Variants in PLCXD3 observed in about 807,000 individuals in gnomAD.
PLCXD3 encodes the protein PI-PLC X domain-containing protein 3.
Under a neutral mutation model 25.5 loss-of-function variants are expected in PLCXD3, and 19 were observed. The observed-to-expected ratio is 0.75, with a 90% CI of 0.52 to 1.09. PLCXD3 has a LOEUF of 1.09. Among genes scored for constraint, PLCXD3 ranks in the 50% least tolerant of loss-of-function variants. PLCXD3 has a pLI of 0.00. For missense variants in PLCXD3, 411 were observed against 388.1 expected (o/e 1.06, Z -0.50); for synonymous variants, 174 against 137.6 (o/e 1.26, Z -1.85).
chr5:41,505,005 A>C (rs1471084635), intron 1 of PLCXD3, among the ~76,000 whole-genome samples: 1 of 152,164 alleles, frequency 6.6e-6, no homozygotes, highest in Non-Finnish European at 1.5e-5. Context: ...CCTCATAAAT[A>C]TTCCCTATTT....
At chr5:41,339,854 C>T (rs1744088472) in intron 2 of PLCXD3, among the ~76,000 whole-genome samples, 1 of 152,072 alleles carries the variant, frequency 6.6e-6, no homozygotes, top group Non-Finnish European at 1.5e-5. Context: ...CATAATAGAT[C>T]ATATCCAGTG....
rs1743171303 is a variant in PLCXD3 at position 41,312,726 on chromosome 5, T to TTCCTTCCTTCCC, written c.*890_*891insGGGAAGGAAGGA. The TTCCTTCCTTCCC allele has an allele frequency of 1.4e-5, 2 of 145,550 alleles. No homozygotes were observed. Among genetic ancestry groups the TTCCTTCCTTCCC allele is most frequent in the African/African-American group, 2.5e-5 (1 of 39,948 alleles). The allele number at this position is 145,550 out of a possible 1,614,324, so 9.0% of individuals were successfully genotyped here. ...CTTCCTTCCTTCCTTCCTTCCTTCCTTCCTTCCTTCTGTCTTTTTCTTTCA... is the reference window on the plus strand; with the variant it reads ...CTTCCTTCCTTCCTTCCTTCCTTCCTTCCTTCCTTCCCTCCTTCCTTCTGTCTTTTTCTTTCA... On this transcript the variant is annotated 3_prime_UTR_variant, in exon 3 of 3. Transcript: ENST00000377801.
chr5:41,372,300 A>ACT (rs1183348961), intron 2 of PLCXD3, among the ~76,000 whole-genome samples: 1 of 80,712 alleles, frequency 1.2e-5, no homozygotes, highest in Non-Finnish European at 2.3e-5. Flanking sequence ...TCTCTCTCTC[A>ACT]CACACACACA....
At chr5:41,473,044 T>C (rs1748200653) in intron 1 of PLCXD3, among the ~76,000 whole-genome samples, 3 of 152,112 alleles carry the variant, frequency 2.0e-5, no homozygotes, top group South Asian at 2.1e-4. Flanking sequence ...TTATATATTT[T>C]ATGAAGAGAT....
At chr5:41,494,996 CCTTT>C (rs1463325650) in intron 1 of PLCXD3, among the ~76,000 whole-genome samples, 1 of 152,226 alleles carries the variant, frequency 6.6e-6, no homozygotes, top group Non-Finnish European at 1.5e-5. Flanking sequence ...TCCAGACTCT[CCTTT>C]CTGTCATGGA....
chr5:41,352,652 A>T (rs1744496715), intron 2 of PLCXD3, among the ~76,000 whole-genome samples: 1 of 152,240 alleles, frequency 6.6e-6, no homozygotes, highest in African/African-American at 2.4e-5. Context: ...AGAATCTAAA[A>T]TTTTTAAGAC....
At chr5:41,456,037 A>T (rs1216769352) in intron 1 of PLCXD3, among the ~76,000 whole-genome samples, 1 of 151,966 alleles carries the variant, frequency 6.6e-6, no homozygotes, top group Non-Finnish European at 1.5e-5. Flanking sequence ...GGAGTAAAAA[A>T]AAATAGGGGT....
intron 2 of PLCXD3, among the ~76,000 whole-genome samples, chr5:41,324,262 T>C (rs1464134360): frequency 1.3e-5 from 2 of 152,050 alleles, no homozygotes; most frequent in African/African-American, 4.8e-5. Context: ...CTGAGTGAGA[T>C]TTAAGCAGGG....
At chr5:41,455,970 T>C (rs1747743854) in intron 1 of PLCXD3, among the ~76,000 whole-genome samples, 1 of 151,932 alleles carries the variant, frequency 6.6e-6, no homozygotes, top group African/African-American at 2.4e-5. Context: ...AATAGAATCA[T>C]TTAAAATACA....
At chr5:41,391,737 A>G (rs1200744822) in intron 1 of PLCXD3, among the ~76,000 whole-genome samples, 2 of 152,116 alleles carry the variant, frequency 1.3e-5, no homozygotes, top group Admixed American at 1.3e-4. Context: ...GTAGAGCACC[A>G]AGTGGGTTCT....
intron 2 of PLCXD3, 100 bp downstream of exon 2, chr5:41,381,726 C>G (rs1019105615): frequency 9.0e-7 from 1 of 1,113,416 alleles, no homozygotes; most frequent in Non-Finnish European, 1.3e-6. Context: ...CCCCAGGGAC[C>G]TAATATACAT....
chr5:41,434,794 G>A (rs1393861447), intron 1 of PLCXD3, among the ~76,000 whole-genome samples: 2 of 152,160 alleles, frequency 1.3e-5, no homozygotes, highest in African/African-American at 2.4e-5. Flanking sequence ...TGAGCCTGGT[G>A]AGAGTAGGGG....
At chr5:41,475,587 C>T (rs1388020535) in intron 1 of PLCXD3, 6 of 533,678 alleles carry the variant, frequency 1.1e-5, no homozygotes, top group Non-Finnish European at 2.3e-5. Context: ...TCCCTGTAGG[C>T]CTCTTCAGGT....
At chr5:41,462,691 A>G (rs1453588496) in intron 1 of PLCXD3, among the ~76,000 whole-genome samples, 1 of 152,000 alleles carries the variant, frequency 6.6e-6, no homozygotes, top group African/African-American at 2.4e-5. Flanking sequence ...AGCCTGAGGC[A>G]GGAGAATCAC....
chr5:41,400,030 A>G (rs1283208906), intron 1 of PLCXD3, among the ~76,000 whole-genome samples: 1 of 152,142 alleles, frequency 6.6e-6, no homozygotes, highest in Non-Finnish European at 1.5e-5. Context: ...TGGACAAAAG[A>G]GCTGAATAGA....
intron 2 of PLCXD3, among the ~76,000 whole-genome samples, chr5:41,358,424 C>T (rs887234055): frequency 6.6e-6 from 1 of 152,116 alleles, no homozygotes; most frequent in African/African-American, 2.4e-5. Context: ...TACCCTGCAT[C>T]CAATATGTAG....
chr5:41,466,251 T>C, intron 1 of PLCXD3, among the ~76,000 whole-genome samples: 1 of 152,074 alleles, frequency 6.6e-6, no homozygotes. Flanking sequence ...GTAAGAAAAT[T>C]GAGCCCTGAA....
intron 1 of PLCXD3, among the ~76,000 whole-genome samples, chr5:41,489,409 G>C (rs1748599251): frequency 6.6e-6 from 1 of 151,976 alleles, no homozygotes; most frequent in South Asian, 2.1e-4. Flanking sequence ...ACTTGGCGAT[G>C]CGGGCTCTTT....
chr5:41,458,636 G>T (rs991923503), intron 1 of PLCXD3, among the ~76,000 whole-genome samples: 6 of 151,952 alleles, frequency 3.9e-5, no homozygotes, highest in African/African-American at 1.4e-4. Flanking sequence ...CAAAGGGTCA[G>T]GTCATTTGAC....
Sources: gnomAD v4.1 joint callset for allele counts (sites outside exome capture counted in the v4.1 genomes callset) on GRCh38, gnomAD v4.1.1 for gene constraint, MANE v1.5 for transcripts, NCBI Gene and HGNC (gene_info 2026-07-23, HGNC 2026-07-21) for gene names.